Variants in GCH1 observed in about 807,000 individuals in gnomAD.
GCH1 encodes GTP cyclohydrolase 1.
In GCH1, 5 loss-of-function variants were observed where a neutral mutation model predicts 25.9. The ratio of observed to expected loss-of-function variants is 0.19; its 90% CI spans 0.10 to 0.41. The LOEUF is 0.41. Among genes scored for constraint, GCH1 ranks in the 10% least tolerant of loss-of-function variants. The pLI, the probability that GCH1 is intolerant of heterozygous loss-of-function variation, is 1.00. For synonymous variants in GCH1, 159 were observed against 129.6 expected, an observed-to-expected ratio of 1.23 and a Z score of -1.54; for missense variants, 261 against 336.5, an observed-to-expected ratio of 0.78 and a Z score of 1.75.
intron 1 of GCH1, among the ~76,000 whole-genome samples, chr14:54,875,290 A>G (rs1427471683): frequency 6.6e-6 from 1 of 152,254 alleles, no homozygotes; most frequent in Non-Finnish European, 1.5e-5. Flanking sequence ...CTGAAACTGG[A>G]TCCCTTCCTT....
chr14:54,871,895 A>C (rs1359530732), intron 1 of GCH1, among the ~76,000 whole-genome samples: 4 of 152,250 alleles, frequency 2.6e-5, no homozygotes, highest in Non-Finnish European at 5.9e-5. Context: ...AGTGACAGGG[A>C]GAATGGAACC....
At position 54,889,845 on chromosome 14, in the gene GCH1, A is replaced by T. The variant is rs141211332; in HGVS notation, c.343+12476T>A. ...TTAACTGTGCACTAAACTATGCACTAAACTAAAATACTAAATTGCCCTATA... is the reference window on the plus strand; with the variant it reads ...TTAACTGTGCACTAAACTATGCACTTAACTAAAATACTAAATTGCCCTATA... On this transcript the variant is annotated intron_variant, in intron 1 of 5. Coordinates refer to ENST00000491895, the MANE Select transcript of GCH1 (RefSeq NM_000161.3). Among the ~76,000 whole-genome samples, 984 of 152,330 alleles carry T rather than the reference A, an allele frequency of 6.5e-3. 12 individuals carry two copies. Among genetic ancestry groups the T allele is most frequent in the African/African-American group, 0.022 (926 of 41,558 alleles).
At chr14:54,900,719 A>G (rs2040552640) in intron 1 of GCH1, among the ~76,000 whole-genome samples, 1 of 152,154 alleles carries the variant, frequency 6.6e-6, no homozygotes, top group Admixed American at 6.6e-5. Context: ...ACACTGTCCT[A>G]TGAATTCTCT....
chr14:54,902,298 T>C (rs750728656), intron 1 of GCH1, 23 bp downstream of exon 1: 2 of 1,609,164 alleles, frequency 1.2e-6, no homozygotes, highest in Non-Finnish European at 1.7e-6. Context: ...CCGCACGCTC[T>C]AGCAGCCCGC....
chr14:54,871,111 C>T (rs1302442498), intron 1 of GCH1, among the ~76,000 whole-genome samples: 1 of 152,198 alleles, frequency 6.6e-6, no homozygotes, highest in Non-Finnish European at 1.5e-5. Flanking sequence ...GAGGGGCAGA[C>T]TGACACCTCA....
chr14:54,894,296 T>A (rs1284428802), intron 1 of GCH1, among the ~76,000 whole-genome samples: 3 of 152,050 alleles, frequency 2.0e-5, no homozygotes, highest in African/African-American at 7.3e-5. Flanking sequence ...AACAAAAACA[T>A]GGACACTGAC....
At chr14:54,888,605 C>T (rs1245825674) in intron 1 of GCH1, among the ~76,000 whole-genome samples, 8 of 151,884 alleles carry the variant, frequency 5.3e-5, no homozygotes, top group African/African-American at 1.5e-4. Flanking sequence ...CTCTGCCTCC[C>T]GGGTTCACAC....
intron 1 of GCH1, among the ~76,000 whole-genome samples, chr14:54,893,954 T>C (rs1353302484): frequency 1.3e-5 from 2 of 152,338 alleles, no homozygotes; most frequent in East Asian, 3.9e-4. Context: ...TGTGATTCTA[T>C]CTGCTAGGCT....
At chr14:54,898,465 AT>A (rs1219170773) in intron 1 of GCH1, among the ~76,000 whole-genome samples, 1 of 152,094 alleles carries the variant, frequency 6.6e-6, no homozygotes, top group African/African-American at 2.4e-5. Flanking sequence ...CACTAAACAT[AT>A]TTTTTCTTCA....
intron 1 of GCH1, among the ~76,000 whole-genome samples, chr14:54,872,181 G>C (rs970558857): frequency 6.6e-6 from 1 of 152,150 alleles, no homozygotes; most frequent in African/African-American, 2.4e-5. Context: ...GAAGAGAGTG[G>C]GGGCCAATAT....
chr14:54,870,515 G>T (rs927541155), intron 1 of GCH1, among the ~76,000 whole-genome samples: 6 of 152,138 alleles, frequency 3.9e-5, no homozygotes, highest in African/African-American at 9.7e-5. Flanking sequence ...AGGACAGGGG[G>T]TGCAGCGCAC....
chr14:54,878,579 G>A (rs1353604515), intron 1 of GCH1, among the ~76,000 whole-genome samples: 12 of 152,086 alleles, frequency 7.9e-5, no homozygotes, highest in Non-Finnish European at 1.2e-4. Flanking sequence ...ATCATGCCTC[G>A]TAGTACCATG....
chr14:54,843,548 T>C lies in GCH1; in HGVS notation c.*469A>G. On this transcript the variant is annotated 3_prime_UTR_variant, in exon 6 of 6. Coordinates refer to ENST00000491895, the MANE Select transcript of GCH1 (RefSeq NM_000161.3). ...TAATAAACATGACCAAAGTGAAGTC[T>C]GTTGAACTTGAATTCACAGAGCAAT... The C allele has an allele frequency of 7.3e-7, 1 of 1,361,712 alleles. No homozygotes were observed. The highest frequency in any genetic ancestry group is 9.5e-7 in the Non-Finnish European group (1 of 1,057,946). 84.4% of individuals were successfully genotyped at this position (1,361,712 alleles called of 1,614,324 possible). A position where few individuals can be genotyped will look rare whatever the true frequency, so the allele number is the denominator to read the frequency against.
intron 1 of GCH1, among the ~76,000 whole-genome samples, chr14:54,875,074 A>C (rs1372669190): frequency 1.3e-5 from 2 of 152,330 alleles, no homozygotes; most frequent in East Asian, 3.9e-4. Context: ...TTCAAACTAT[A>C]CTACAAGGCT....
chr14:54,876,563 G>T (rs1293094537), intron 1 of GCH1, among the ~76,000 whole-genome samples: 1 of 152,096 alleles, frequency 6.6e-6, no homozygotes. Flanking sequence ...GGCGGCTGAA[G>T]CAGGAGGATC....
chr14:54,855,608 G>A (rs1399171494), intron 3 of GCH1, among the ~76,000 whole-genome samples: 2 of 150,872 alleles, frequency 1.3e-5, no homozygotes, highest in Non-Finnish European at 1.5e-5. Context: ...GAGGCCAGGA[G>A]TTCGAGGCCA....
chr14:54,846,858 C>T (rs1038959869), intron 4 of GCH1, among the ~76,000 whole-genome samples: 4 of 152,174 alleles, frequency 2.6e-5, no homozygotes, highest in South Asian at 2.1e-4. Context: ...GTCGGAAGTT[C>T]GAGACCAGCC....
chr14:54,892,673 A>C (rs1458493929), intron 1 of GCH1, among the ~76,000 whole-genome samples: 1 of 152,146 alleles, frequency 6.6e-6, no homozygotes, highest in Non-Finnish European at 1.5e-5. Flanking sequence ...TGGGCGGAAG[A>C]GCAAGACTCT....
intron 2 of GCH1, among the ~76,000 whole-genome samples, chr14:54,864,476 C>A (rs1303860122): frequency 6.6e-6 from 1 of 152,040 alleles, no homozygotes; most frequent in Non-Finnish European, 1.5e-5. Flanking sequence ...CATTCCTAGA[C>A]AACATCTAAT....
Sources: allele counts gnomAD v4.1 joint callset (sites outside exome capture counted in the v4.1 genomes callset), GRCh38; gene constraint gnomAD v4.1.1; transcripts MANE v1.5; gene names NCBI Gene and HGNC (gene_info 2026-07-23, HGNC 2026-07-21).